The following CTNNA3 variants were observed in gnomAD, a reference collection of about 807,000 sequenced individuals.
CTNNA3 encodes the protein catenin alpha-3.
CTNNA3 carries 76 observed loss-of-function variants against 95.7 expected under a neutral mutation model. That is an observed-to-expected ratio of 0.79 (90% confidence interval 0.66 to 0.96). The LOEUF is 0.96. Among genes scored for constraint, CTNNA3 ranks in the 40% least tolerant of loss-of-function variants. CTNNA3 has a pLI of 0.00. For synonymous variants in CTNNA3, 431 were observed against 374.4 expected (o/e 1.15, Z -1.74); for missense variants, 1,191 against 1,089.8 (o/e 1.09, Z -1.31).
chr10:66,142,121 T>C (rs190332211), intron 13 of CTNNA3, among the ~76,000 whole-genome samples: 237 of 152,278 alleles, frequency 1.6e-3, no homozygotes, highest in African/African-American at 5.5e-3. Context: ...CTTTTAGAAA[T>C]GTTATAGGTT....
At chr10:67,732,127 T>C (rs1027977719) in intron 1 of CTNNA3, among the ~76,000 whole-genome samples, 12 of 152,062 alleles carry the variant, frequency 7.9e-5, no homozygotes, top group African/African-American at 2.9e-4. Flanking sequence ...AGACTTGTTA[T>C]CAATTGTTGA....
At chr10:66,917,148 T>A (rs1168658871) in intron 7 of CTNNA3, among the ~76,000 whole-genome samples, 1 of 152,182 alleles carries the variant, frequency 6.6e-6, no homozygotes, top group African/African-American at 2.4e-5. Flanking sequence ...CACTACTGTA[T>A]CCCCAGCACG....
chr10:67,652,040 G>C (rs941954221), intron 1 of CTNNA3, among the ~76,000 whole-genome samples: 5 of 152,230 alleles, frequency 3.3e-5, no homozygotes, highest in African/African-American at 1.2e-4. Context: ...CTGGAGGCTG[G>C]GAAGTCCTAG....
intron 13 of CTNNA3, among the ~76,000 whole-genome samples, chr10:66,186,924 T>G (rs1321606351): frequency 6.6e-6 from 1 of 152,192 alleles, no homozygotes; most frequent in Admixed American, 6.5e-5. Context: ...AAATAATCGC[T>G]GAATCTTGGT....
chr10:67,136,811 GGGAA>G (rs1224294091), intron 7 of CTNNA3, among the ~76,000 whole-genome samples: 2 of 152,098 alleles, frequency 1.3e-5, no homozygotes, highest in Non-Finnish European at 2.9e-5. Flanking sequence ...TCCTAGCAGG[GGGAA>G]GGAAGAGTAA....
chr10:67,448,554 T>A (rs1846842615), intron 5 of CTNNA3, among the ~76,000 whole-genome samples: 1 of 151,952 alleles, frequency 6.6e-6, no homozygotes. Flanking sequence ...GAAGAATGAA[T>A]GAATGAATGA....
intron 10 of CTNNA3, among the ~76,000 whole-genome samples, chr10:66,540,526 T>C (rs1045549117): frequency 2.6e-5 from 4 of 152,142 alleles, no homozygotes; most frequent in Admixed American, 6.6e-5. Flanking sequence ...GCTCTTAGCC[T>C]GGATGTCCTG....
At chr10:67,405,081 AC>A (rs1477116987) in intron 5 of CTNNA3, among the ~76,000 whole-genome samples, 1 of 152,184 alleles carries the variant, frequency 6.6e-6, no homozygotes, top group Non-Finnish European at 1.5e-5. Context: ...AAAAGGGAAA[AC>A]TGTTGCCAGC....
intron 5 of CTNNA3, among the ~76,000 whole-genome samples, chr10:67,435,038 C>G (rs16924474): frequency 0.023 from 3,541 of 152,120 alleles, 134 homozygotes; most frequent in African/African-American, 0.076. Context: ...GGAATCTGCT[C>G]CATGTTCTAC....
intron 10 of CTNNA3, among the ~76,000 whole-genome samples, chr10:66,573,217 G>T (rs1450057836): frequency 6.6e-6 from 1 of 152,118 alleles, no homozygotes; most frequent in Non-Finnish European, 1.5e-5. Context: ...TGATGTTCTG[G>T]ACAACTGTAT....
chr10:66,206,860 C>T (rs2131936512), intron 13 of CTNNA3, among the ~76,000 whole-genome samples: 1 of 151,970 alleles, frequency 6.6e-6, no homozygotes, highest in East Asian at 1.9e-4. Context: ...ATCTGCCTAC[C>T]TCAACAGCCT....
At chr10:66,802,115 C>G (rs879664362) in intron 7 of CTNNA3, among the ~76,000 whole-genome samples, 1 of 151,658 alleles carries the variant, frequency 6.6e-6, no homozygotes, top group Admixed American at 6.6e-5. Flanking sequence ...ATAACTGTAA[C>G]ACCTAGGAGC....
At position 67,503,821 on chromosome 10, in the gene CTNNA3, T is replaced by C. The variant is rs138778179; in HGVS notation, c.579+18021A>G. ...ATAGCAGCACTGTGCACAGCTCTTATATCAAGAGTAAGAAATAAACTTTTC... is the reference window on the plus strand; with the variant it reads ...ATAGCAGCACTGTGCACAGCTCTTACATCAAGAGTAAGAAATAAACTTTTC... On this transcript the variant is annotated intron_variant, in intron 5 of 17. Transcript: ENST00000433211. Among the ~76,000 whole-genome samples the C allele has an allele frequency of 7.4e-3, 1,131 of 152,298 alleles. 65 individuals are homozygous for C. Among genetic ancestry groups the C allele is most frequent in the Admixed American group, 0.067 (1,027 of 15,288 alleles).
chr10:67,236,082 C>T (rs1267299435), intron 5 of CTNNA3, among the ~76,000 whole-genome samples: 1 of 141,222 alleles, frequency 7.1e-6, no homozygotes, highest in Admixed American at 6.9e-5. Context: ...ACTAGTTCAA[C>T]CATTGTGGAA....
intron 12 of CTNNA3, among the ~76,000 whole-genome samples, chr10:66,371,867 C>T (rs2092757098): frequency 6.6e-6 from 1 of 152,114 alleles, no homozygotes; most frequent in African/African-American, 2.4e-5. Context: ...ATGCTTCTGG[C>T]ACTGGAAGTT....
chr10:67,114,589 A>G (rs1262241865), intron 7 of CTNNA3, among the ~76,000 whole-genome samples: 2 of 152,168 alleles, frequency 1.3e-5, no homozygotes, highest in African/African-American at 2.4e-5. Flanking sequence ...CATAACTACC[A>G]GCACACACCT....
chr10:66,096,829 A>G (rs1048558096), intron 14 of CTNNA3, among the ~76,000 whole-genome samples: 5 of 152,024 alleles, frequency 3.3e-5, no homozygotes, highest in African/African-American at 1.2e-4. Flanking sequence ...TGGCAGAAAA[A>G]TTAAAAATTG....
chr10:67,639,411 G>GA (rs1839443462), intron 2 of CTNNA3, among the ~76,000 whole-genome samples: 1 of 152,090 alleles, frequency 6.6e-6, no homozygotes, highest in South Asian at 2.1e-4. Context: ...ATTCACAGCC[G>GA]AATTCTACCA....
At position 66,189,751 on chromosome 10, in the gene CTNNA3, T is replaced by C. The variant is rs557070263; in HGVS notation, c.1885-86502A>G. ...AATAAATTTATACTGTATTTTTATA[T>C]TTAGGTATATGTTACCTTTATTTTC... On this transcript the variant is annotated intron_variant, in intron 13 of 17. Coordinates refer to ENST00000433211, the MANE Select transcript of CTNNA3 (RefSeq NM_013266.4). Among the ~76,000 whole-genome samples the C allele has an allele frequency of 2.0e-5, 3 of 151,772 alleles. No individual in the cohort carries two copies. The East Asian group carries it at 5.8e-4, about 29-fold the overall frequency.
Sources: gnomAD v4.1 joint callset for allele counts (sites outside exome capture counted in the v4.1 genomes callset) on GRCh38, gnomAD v4.1.1 for gene constraint, MANE v1.5 for transcripts, NCBI Gene and HGNC (gene_info 2026-07-23, HGNC 2026-07-21) for gene names.